SPATS2L: variants seen among roughly 807,000 people sequenced by gnomAD.
SPATS2L encodes the protein spermatogenesis associated serine rich 2 like.
In SPATS2L, 30 loss-of-function variants were observed where a neutral mutation model predicts 59.6. The ratio of observed to expected loss-of-function variants is 0.50; its 90% CI spans 0.38 to 0.68. The LOEUF is 0.68. Ranked by LOEUF, SPATS2L falls within the 30% of genes least tolerant of loss-of-function variation. The pLI is 0.00. For missense variants in SPATS2L, 615 were observed against 700.0 expected (o/e 0.88, Z 1.37); for synonymous variants, 252 against 263.5 (o/e 0.96, Z 0.42).
chr2:200,361,086 C>CA (rs1491576362), intron 2 of SPATS2L, among the ~76,000 whole-genome samples: 1 of 93,640 alleles, frequency 1.1e-5, no homozygotes, highest in Non-Finnish European at 1.9e-5. Context: ...CCCACCCCCC[C>CA]ACACACACAC....
rs769997762 is a variant in SPATS2L at position 200,426,082 on chromosome 2, C to CT, written c.445+6612dup. Among the ~76,000 whole-genome samples the CT allele has an allele frequency of 3.1e-3, 193 of 62,318 alleles. 11 individuals are homozygous for CT. The highest frequency in any genetic ancestry group is 9.2e-3 in the African/African-American group (142 of 15,506). The allele number at this position is 62,318 out of a possible 152,430, so 40.9% of individuals were successfully genotyped here. ...ATAGAATTATAACCATAGGTTTTTA[C>CT]TTTTTTTTTTTTTTTTTTTTTTTTT... is the stretch of plus-strand genomic sequence containing the variant. On this transcript the variant is annotated intron_variant, in intron 6 of 12. Transcript: ENST00000409140.
intron 1 of SPATS2L, among the ~76,000 whole-genome samples, chr2:200,308,309 T>C (rs985941918): frequency 3.3e-5 from 5 of 152,078 alleles, no homozygotes; most frequent in South Asian, 2.1e-4. Context: ...GATAAAGTAT[T>C]TGATAGGCCT....
chr2:200,320,773 A>G (rs2079535855), intron 1 of SPATS2L, among the ~76,000 whole-genome samples: 1 of 152,234 alleles, frequency 6.6e-6, no homozygotes, highest in African/African-American at 2.4e-5. Flanking sequence ...GCTGTCAAGT[A>G]ACACATATGG....
intron 6 of SPATS2L, among the ~76,000 whole-genome samples, chr2:200,434,625 A>G (rs1203826270): frequency 6.6e-6 from 1 of 152,160 alleles, no homozygotes; most frequent in Non-Finnish European, 1.5e-5. Context: ...TAAAAATTCT[A>G]AAACACCTAG....
chr2:200,440,143 A>G (rs546792142), intron 7 of SPATS2L, among the ~76,000 whole-genome samples: 1 of 152,350 alleles, frequency 6.6e-6, no homozygotes, highest in African/African-American at 2.4e-5. Flanking sequence ...GCTGCTTTCA[A>G]TGCTGCTGCT....
rs542068991 is a variant in SPATS2L, at chr2:200,374,621, G to A, written c.-22-14602G>A. On this transcript the variant is annotated intron_variant, in intron 2 of 12. Coordinates refer to ENST00000409140, the MANE Select transcript of SPATS2L (RefSeq NM_001100423.2). ...ACATGTAGTGTCTGGCCCAGGAGGA[G>A]CACACTCAAAGGACATGTTCCACAG... Among the ~76,000 whole-genome samples the A allele has an allele frequency of 2.6e-5, 4 of 152,112 alleles. No homozygotes were observed. The South Asian group carries it at 8.3e-4, about 32-fold the overall frequency.
chr2:200,398,832 C>G, intron 3 of SPATS2L, among the ~76,000 whole-genome samples: 1 of 152,200 alleles, frequency 6.6e-6, no homozygotes, highest in Middle Eastern at 3.4e-3. Context: ...AACTGGATGC[C>G]TCAGGTTGAA....
At chr2:200,371,600 CTA>C (rs1187714580) in intron 2 of SPATS2L, among the ~76,000 whole-genome samples, 1 of 152,142 alleles carries the variant, frequency 6.6e-6, no homozygotes, top group Non-Finnish European at 1.5e-5. Flanking sequence ...AGACTCCAGA[CTA>C]TGTCAAATGA....
chr2:200,390,472 G>A (rs1185959860), intron 3 of SPATS2L: 2 of 152,506 alleles, frequency 1.3e-5, no homozygotes, highest in African/African-American at 4.8e-5. Flanking sequence ...TGTGTGGAGT[G>A]GTCAGGGAAG....
At position 200,466,733 on chromosome 2, in the gene SPATS2L, C is replaced by T. The variant is rs772729522; in HGVS notation, c.848-557C>T. On this transcript the variant is annotated intron_variant, in intron 9 of 12. Coordinates refer to ENST00000409140, the MANE Select transcript of SPATS2L (RefSeq NM_001100423.2). ...TTTTTGCTGAATGGAAACATATCTGCAGAGTATCAAAAGCAGAGACATTTT... is the reference window on the plus strand; with the variant it reads ...TTTTTGCTGAATGGAAACATATCTGTAGAGTATCAAAAGCAGAGACATTTT... Among the ~76,000 whole-genome samples, 12 of 152,164 alleles carry T rather than the reference C, an allele frequency of 7.9e-5. 1 individual carries two copies. The highest frequency in any genetic ancestry group is 2.9e-4 in the African/African-American group (12 of 41,426).
intron 2 of SPATS2L, among the ~76,000 whole-genome samples, chr2:200,339,860 T>A (rs2105816692): frequency 6.6e-6 from 1 of 152,348 alleles, no homozygotes; most frequent in South Asian, 2.1e-4. Flanking sequence ...CTGGGTTGAA[T>A]GACAGTCCAT....
In SPATS2L at chr2:200,436,757, G is replaced by A. The variant is rs147486381; in HGVS notation, c.446-2365G>A. 4.7e-4 allele frequency among the ~76,000 whole-genome samples: 72 copies of A among 151,980 alleles called. 1 individual carries two copies. Among genetic ancestry groups the A allele is most frequent in the African/African-American group, 1.5e-3 (64 of 41,436 alleles). On this transcript the variant is annotated intron_variant, in intron 6 of 12. Coordinates refer to ENST00000409140, the MANE Select transcript of SPATS2L (RefSeq NM_001100423.2). ...ATTTTCAAGAATATGATCTCTTTAC[G>A]ACACTATACACGAAGATCTGTGTTT...
At chr2:200,383,284 G>C (rs1390089205) in intron 2 of SPATS2L, among the ~76,000 whole-genome samples, 3 of 152,104 alleles carry the variant, frequency 2.0e-5, no homozygotes, top group African/African-American at 4.8e-5. Context: ...CATTAAAAAA[G>C]TGAAAAGAAG....
At chr2:200,432,563 T>C (rs918824481) in intron 6 of SPATS2L, among the ~76,000 whole-genome samples, 2 of 152,098 alleles carry the variant, frequency 1.3e-5, no homozygotes, top group African/African-American at 2.4e-5. Context: ...GATCTAGAGT[T>C]TCTCAATGCA....
chr2:200,397,841 A>C (rs75299433), intron 3 of SPATS2L, among the ~76,000 whole-genome samples: 3,736 of 152,060 alleles, frequency 0.025, 126 homozygotes, highest in African/African-American at 0.077. Flanking sequence ...AGAAAAAAAA[A>C]CCCACATATT....
chr2:200,467,529 A>G, intron 10 of SPATS2L, 130 bp downstream of exon 10: 1 of 652,986 alleles, frequency 1.5e-6, no homozygotes, highest in Admixed American at 2.7e-5. Context: ...CACAGGGTGG[A>G]AATAGAGAAC....
chr2:200,339,279 C>T (rs2080244664), intron 2 of SPATS2L, among the ~76,000 whole-genome samples: 1 of 151,838 alleles, frequency 6.6e-6, no homozygotes, highest in Non-Finnish European at 1.5e-5. Flanking sequence ...TGGAAGTAGG[C>T]CACAATCATT....
intron 8 of SPATS2L, among the ~76,000 whole-genome samples, chr2:200,441,998 G>A (rs1018006601): frequency 2.6e-5 from 4 of 152,044 alleles, no homozygotes; most frequent in Non-Finnish European, 4.4e-5. Context: ...GATCCTAAGG[G>A]TGCAGAAGAC....
intron 2 of SPATS2L, among the ~76,000 whole-genome samples, chr2:200,360,252 A>G (rs543130749): frequency 2.0e-5 from 3 of 152,174 alleles, no homozygotes; most frequent in East Asian, 1.9e-4. Context: ...ATTGTTTACT[A>G]GTTTCCTACA....
Sources: gnomAD v4.1 joint callset for allele counts (sites outside exome capture counted in the v4.1 genomes callset) on GRCh38, gnomAD v4.1.1 for gene constraint, MANE v1.5 for transcripts, NCBI Gene and HGNC (gene_info 2026-07-23, HGNC 2026-07-21) for gene names.